Variants in DOCK6 observed in about 807,000 individuals in gnomAD.
DOCK6 encodes the protein dedicator of cytokinesis protein 6.
A neutral mutation model predicts 230.3 loss-of-function variants in DOCK6; 167 were observed. That is an observed-to-expected ratio of 0.73 (90% CI 0.64 to 0.82). DOCK6 has a LOEUF of 0.82. Ranked by LOEUF, DOCK6 falls within the 40% of genes least tolerant of loss-of-function variation. DOCK6 has a pLI of 0.00. For synonymous variants in DOCK6, 1,148 were observed against 1,185.0 expected (o/e 0.97, Z 0.64); for missense variants, 2,598 against 2,825.8 (o/e 0.92, Z 1.83).
rs754189063 is a variant in DOCK6, at chr19:11,221,968, C to T, written c.3433G>A (p.Gly1145Ser). ...AISAVHSLLC[G>S]HDTDPRYAEA... Reference sequence around the variant, plus strand: ...GCGTAGCGGGGGTCAGTGTCATGGCCACATAGCAGGCTGTGCACAGCACTG... The same window carrying T: ...GCGTAGCGGGGGTCAGTGTCATGGCTACATAGCAGGCTGTGCACAGCACTG... Residue 1145 changes from glycine (G) to serine (S), a missense_variant, in exon 28 of 48, where the codon GGC becomes AGC. Gly to Ser is a moderately conservative substitution (Grantham distance 56). Coordinates refer to ENST00000294618, the MANE Select transcript of DOCK6 (RefSeq NM_020812.4). 1.2e-6 allele frequency: 2 copies of T among 1,613,904 alleles called. No individual in the cohort carries two copies. Among genetic ancestry groups the T allele is most frequent in the Non-Finnish European group, 1.7e-6 (2 of 1,179,898 alleles).
intron 6 of DOCK6, among the ~76,000 whole-genome samples, chr19:11,249,504 T>C (rs1014693944): frequency 6.6e-6 from 1 of 150,980 alleles, no homozygotes; most frequent in Non-Finnish European, 1.5e-5. Flanking sequence ...GAACGAGACT[T>C]GTCTCAAAAA....
chr19:11,222,674 G>A lies in DOCK6; in HGVS notation c.3240+61C>T. On this transcript the variant is annotated intron_variant, in intron 26 of 47. Transcript: ENST00000294618. This position sits in a 1 kb window ranked among gnomAD's most constrained non-coding sequence, Gnocchi z 4.0. ...GGACAGAGATGAGGGAACCATAGGA[G>A]ATGGACTGAAGGTGAGAGGTTGTAG... 1.4e-6 allele frequency: 2 copies of A among 1,478,126 alleles called. No individual in the cohort carries two copies. Among genetic ancestry groups the A allele is most frequent in the Non-Finnish European group, 1.8e-6 (2 of 1,093,510 alleles). 91.6% of individuals were successfully genotyped at this position (1,478,126 alleles called of 1,614,324 possible).
intron 22 of DOCK6, 87 bp from the exon 23 acceptor site, chr19:11,229,122 G>A: frequency 7.2e-7 from 1 of 1,381,612 alleles, no homozygotes; most frequent in South Asian, 1.3e-5. Context: ...AGATGCAGCT[G>A]GAGGGCTCGG....
intron 6 of DOCK6, among the ~76,000 whole-genome samples, chr19:11,250,260 C>T (rs889876554): frequency 6.6e-6 from 1 of 151,038 alleles, no homozygotes; most frequent in Non-Finnish European, 1.5e-5. Context: ...ATCCACCCGC[C>T]TCAGCCTCCC....
At position 11,208,816 on chromosome 19, in the gene DOCK6, T is replaced by C. The variant is rs531825085; in HGVS notation, c.4958A>G (p.Asn1653Ser). 9.3e-6 allele frequency: 15 copies of C among 1,613,162 alleles called. No homozygotes were observed. The highest frequency in any genetic ancestry group is 1.1e-5 in the South Asian group (1 of 91,074). ...GCVSFQNISS[N>S]VLEESAISDD... ...GGAGATGGCGGACTCCTCTAGCACGTTGGATGAGATGTTCTGGGGTGGGAG... is the reference window on the plus strand; with the variant it reads ...GGAGATGGCGGACTCCTCTAGCACGCTGGATGAGATGTTCTGGGGTGGGAG... The change falls in exon 39 of 48, where the codon AAC (asparagine) becomes AGC (serine). Residue 1653 changes from asparagine to serine, a missense_variant. By Grantham distance (46) the Asn-to-Ser change is conservative. Coordinates refer to ENST00000294618, the MANE Select transcript of DOCK6 (RefSeq NM_020812.4).
intron 21 of DOCK6, among the ~76,000 whole-genome samples, chr19:11,233,837 C>CTTTTTTT (rs34494692): frequency 6.9e-6 from 1 of 144,502 alleles, no homozygotes; most frequent in Non-Finnish European, 1.5e-5. Context: ...AAGATCCTGA[C>CTTTTTTT]TTTTTTTTTT....
chr19:11,245,442 G>GT, intron 9 of DOCK6, 121 bp downstream of exon 9: 2 of 1,126,864 alleles, frequency 1.8e-6, no homozygotes, highest in Non-Finnish European at 2.6e-6. Context: ...CCCTGCCTGT[G>GT]TTTCCCCCAC....
chr19:11,201,811 G>A lies in DOCK6; in HGVS notation c.5688+78C>T, dbSNP rs911854677. On this transcript the variant is annotated intron_variant, in intron 44 of 47. Transcript: ENST00000294618. This position sits in a 1 kb window ranked among gnomAD's most constrained non-coding sequence, Gnocchi z 4.3. ...AACCACCTTGGGTCTGGGTCCCTGT[G>A]TCTACCCTCCCCTCCCCTCCCAGGG... is the stretch of plus-strand genomic sequence containing the variant. 1.4e-5 allele frequency: 19 copies of A among 1,334,742 alleles called. No homozygotes were observed. Among genetic ancestry groups the A allele is most frequent in the Non-Finnish European group, 1.9e-5 (19 of 978,024 alleles). 82.7% of individuals were successfully genotyped at this position (1,334,742 alleles called of 1,614,324 possible).
intron 14 of DOCK6, chr19:11,239,023 T>C (rs1246824507): frequency 6.4e-6 from 1 of 156,360 alleles, no homozygotes; most frequent in African/African-American, 2.4e-5. Context: ...CACAAGTAGC[T>C]CATGAGGCAG....
intron 41 of DOCK6, 163 bp downstream of exon 41, chr19:11,203,918 G>T: frequency 1.1e-6 from 1 of 929,098 alleles, no homozygotes; most frequent in Non-Finnish European, 1.6e-6. Context: ...GGCATTTTTG[G>T]GGAAGGGAGG....
At chr19:11,230,890 G>A (rs575581566) in intron 22 of DOCK6, among the ~76,000 whole-genome samples, 53 of 152,138 alleles carry the variant, frequency 3.5e-4, no homozygotes, top group African/African-American at 1.3e-3. Context: ...GAGGCTGCTC[G>A]CAGGAACAGG....
chr19:11,233,294 G>A lies in DOCK6; in HGVS notation c.2627C>T (p.Ala876Val), dbSNP rs764914767. Residue 876 changes from alanine to valine, a missense_variant, in exon 22 of 48, where the codon GCG (alanine) becomes GTG (valine). Transcript: ENST00000294618. The stretch of plus-strand genomic sequence containing the variant: ...GCTGCTGCTGATGCTCTTGGAACGC[G>A]CCAGGTAGAGGCTTGCGGGGCGACC... The part of the protein sequence containing the change: ...GSGRPASLYL[A>V]RSKSISSSNP... 7.4e-6 allele frequency: 12 copies of A among 1,613,788 alleles called. No homozygotes were observed. The highest frequency in any genetic ancestry group is 2.2e-5 in the East Asian group (1 of 44,888).
chr19:11,235,632 A>C lies in DOCK6; in HGVS notation c.2520T>G (p.Phe840Leu), dbSNP rs1418618556. The change falls in exon 21 of 48, where the codon TTT becomes TTG. Residue 840 changes from phenylalanine to leucine, a missense_variant. Physicochemically the swap from Phe to Leu is conservative, Grantham distance 22. Coordinates refer to ENST00000294618, the MANE Select transcript of DOCK6 (RefSeq NM_020812.4). ...PQLAAYVHYA[F>L]RLPGTEPSLP... is the part of the protein sequence containing the mutation. Reference sequence around the variant, plus strand: ...GGCTGGGCTCAGTGCCAGGAAGGCGAAAGGCGTAGTGGACGTAGGCAGCCA... The same window carrying C: ...GGCTGGGCTCAGTGCCAGGAAGGCGCAAGGCGTAGTGGACGTAGGCAGCCA... The C allele has an allele frequency of 6.2e-7, 1 of 1,602,794 alleles. No homozygotes were observed. Among genetic ancestry groups the C allele is most frequent in the Non-Finnish European group, 8.5e-7 (1 of 1,174,426 alleles).
At chr19:11,219,176 T>G (rs2079542508) in intron 28 of DOCK6, among the ~76,000 whole-genome samples, 1 of 71,806 alleles carries the variant, frequency 1.4e-5, no homozygotes, top group Non-Finnish European at 2.5e-5. Flanking sequence ...TGCGCCCGGT[T>G]TTTTTTTTTT....
Position 11,201,797 on chromosome 19 carries a change from G to A in DOCK6, c.5688+92C>T, listed in dbSNP as rs953452314. The A allele has an allele frequency of 2.4e-5, 30 of 1,251,792 alleles. No individual in the cohort carries two copies. Among genetic ancestry groups the A allele is most frequent in the Non-Finnish European group, 3.1e-5 (28 of 905,486 alleles). 77.5% of individuals were successfully genotyped at this position (1,251,792 alleles called of 1,614,324 possible). On this transcript the variant is annotated intron_variant, in intron 44 of 47. Transcript: ENST00000294618. The surrounding 1 kb of genome is among the most constrained non-coding windows in gnomAD (Gnocchi z 4.3). ...GTCTGAGGTCCGTGAACCACCTTGGGTCTGGGTCCCTGTGTCTACCCTCCC... is the reference window on the plus strand; with the variant it reads ...GTCTGAGGTCCGTGAACCACCTTGGATCTGGGTCCCTGTGTCTACCCTCCC...
At chr19:11,244,484 G>A (rs566463728) in intron 9 of DOCK6, among the ~76,000 whole-genome samples, 2 of 90,612 alleles carry the variant, frequency 2.2e-5, no homozygotes, top group Admixed American at 3.2e-4. Context: ...TTTTTGAGAT[G>A]GGGTCTCGCT....
rs762024944 is a variant in DOCK6, at chr19:11,238,231, G to A, written c.1717C>T (p.Arg573Ter). The A allele has an allele frequency of 9.3e-6, 15 of 1,613,400 alleles. No individual in the cohort carries two copies. The highest frequency in any genetic ancestry group is 1.1e-5 in the Non-Finnish European group (13 of 1,179,564). The change falls in exon 15 of 48, where the codon CGA (arginine) becomes TGA (stop). Residue 573 changes from arginine (R) to a stop codon, truncating the protein, a stop_gained. Transcript: ENST00000294618. LOFTEE classifies it high-confidence loss of function. ...RQGSVRNLAV[R>*]VQYMTGEDPS... ...TCCTCGCCTGTCATGTACTGCACTC[G>A]CACAGCAAGGTTGCGCACGGAGCCC...
intron 28 of DOCK6, among the ~76,000 whole-genome samples, chr19:11,217,615 G>A (rs1339154601): frequency 1.3e-5 from 2 of 151,722 alleles, no homozygotes; most frequent in African/African-American, 4.8e-5. Flanking sequence ...AAAATTAGCT[G>A]GGTGTGGTGG....
Position 11,243,214 on chromosome 19 carries a change from A to G in DOCK6, c.1386+44T>C. 1 of 1,613,476 alleles carries G rather than the reference A, an allele frequency of 6.2e-7. No homozygotes were observed. Among genetic ancestry groups the G allele is most frequent in the Non-Finnish European group, 8.5e-7 (1 of 1,179,576 alleles). On this transcript the variant is annotated intron_variant, in intron 12 of 47. Coordinates refer to ENST00000294618, the MANE Select transcript of DOCK6 (RefSeq NM_020812.4). This position sits in a 1 kb window ranked among gnomAD's most constrained non-coding sequence, Gnocchi z 6.3. ...GGCTAGGGGTCCCCAGGGCTAATGC[A>G]GCCAGCGGGGAGTGGGAGAGTCCCT...
Sources: allele counts gnomAD v4.1 joint callset (sites outside exome capture counted in the v4.1 genomes callset), GRCh38; gene constraint gnomAD v4.1.1; non-coding constraint Gnocchi (gnomAD v3.1); transcripts MANE v1.5; gene names NCBI Gene and HGNC (gene_info 2026-07-23, HGNC 2026-07-21).